Variants in PHF8 observed in about 807,000 individuals in gnomAD.
The protein encoded by PHF8 is histone lysine demethylase PHF8.
PHF8 carries 9 observed loss-of-function variants against 74.4 expected under a neutral mutation model. The observed-to-expected ratio is 0.12, with a 90% CI of 0.07 to 0.21. The LOEUF (loss-of-function observed/expected upper bound fraction) is 0.21, where lower values mean the gene tolerates loss of function less well. Ranked by LOEUF, PHF8 falls within the 10% of genes least tolerant of loss-of-function variation. PHF8 has a pLI of 1.00. For synonymous variants in PHF8, 311 were observed against 316.6 expected, an observed-to-expected ratio of 0.98 and a Z score of 0.19; for missense variants, 478 against 816.6, an observed-to-expected ratio of 0.59 and a Z score of 5.05.
intron 19 of PHF8, among the ~76,000 whole-genome samples, chrX:53,954,499 C>CAAAA (rs1180184175): frequency 0.012 from 153 of 13,132 alleles, 1 homozygote; most frequent in African/African-American, 0.017. Flanking sequence ...GACTCTGTCT[C>CAAAA]AAAAAAAAAA....
In PHF8 at chrX:53,967,490, T is replaced by TG. The variant is rs782807326; in HGVS notation, c.2444-4552dup. ...CCAGCCACCTCATCCGGGAGGGAGG[T>TG]GGGGGGGTCAGCCCTCCGCCCAGCC... On this transcript the variant is annotated intron_variant, in intron 18 of 21. Transcript: ENST00000338154. 9.2e-3 allele frequency among the ~76,000 whole-genome samples: 684 copies of TG among 74,320 alleles called. 7 individuals carry two copies. The highest frequency in any genetic ancestry group is 0.036 in the African/African-American group (650 of 18,200). The allele number at this position is 74,320 out of a possible 115,157, so 64.5% of individuals were successfully genotyped here.
intron 8 of PHF8, among the ~76,000 whole-genome samples, chrX:54,006,687 G>A (rs1381720990): frequency 9.0e-6 from 1 of 111,533 alleles, no homozygotes; most frequent in African/African-American, 3.3e-5. Flanking sequence ...TGTAATCCCA[G>A]CACTTTGGGA....
At chrX:54,027,984 C>CCACACA (rs782177087) in intron 2 of PHF8, among the ~76,000 whole-genome samples, 2,804 of 96,461 alleles carry the variant, frequency 0.029, 104 homozygotes, top group African/African-American at 0.097. Flanking sequence ...ACTATACACA[C>CCACACA]CACACACACA....
At chrX:53,947,388 C>T (rs781787975) in intron 19 of PHF8, among the ~76,000 whole-genome samples, 9 of 112,665 alleles carry the variant, frequency 8.0e-5, no homozygotes, top group African/African-American at 2.9e-4. Flanking sequence ...CCTTGGTTAG[C>T]TATTGCTATT....
chrX:53,972,341 A>C (rs1192749752), intron 18 of PHF8, among the ~76,000 whole-genome samples: 2 of 107,274 alleles, frequency 1.9e-5, no homozygotes, highest in Non-Finnish European at 3.8e-5. Flanking sequence ...AAAAAAAAAA[A>C]AAAGAAAAAG....
intron 18 of PHF8, among the ~76,000 whole-genome samples, chrX:53,980,055 A>G (rs1174041977): frequency 9.0e-6 from 1 of 111,517 alleles, no homozygotes; most frequent in East Asian, 2.8e-4. Flanking sequence ...AGACCTATAT[A>G]TTGAGTGGAG....
chrX:53,964,866 C>A, intron 18 of PHF8, among the ~76,000 whole-genome samples: 1 of 80,957 alleles, frequency 1.2e-5, no homozygotes, highest in African/African-American at 5.0e-5. Flanking sequence ...AAAACTCTGC[C>A]TCAAAAAAAA....
At chrX:54,045,900 G>T (rs907136367), upstream of PHF8, among the ~76,000 whole-genome samples, 26 of 109,999 alleles carry the variant, frequency 2.4e-4, no homozygotes, top group African/African-American at 8.2e-4. Context: ...TTTGAGCAGG[G>T]GTAGCTTAGT....
chrX:54,007,706 C>T (rs2065917338), intron 8 of PHF8, among the ~76,000 whole-genome samples: 1 of 112,386 alleles, frequency 8.9e-6, no homozygotes, highest in African/African-American at 3.2e-5. Flanking sequence ...TGAGATACCA[C>T]TTTACGCCCA....
At chrX:53,992,288 G>A (rs2065678476) in intron 14 of PHF8, among the ~76,000 whole-genome samples, 1 of 111,883 alleles carries the variant, frequency 8.9e-6, no homozygotes, top group South Asian at 3.7e-4. Flanking sequence ...ATGAACATTT[G>A]GATGTTTCCA....
chrX:54,023,834 C>T (rs1391039031), intron 2 of PHF8, among the ~76,000 whole-genome samples: 2 of 90,766 alleles, frequency 2.2e-5, no homozygotes, highest in East Asian at 7.0e-4. Context: ...GAACAAGACC[C>T]TGTCTCCAAA....
chrX:53,978,632 A>T (rs2065426558), intron 18 of PHF8, among the ~76,000 whole-genome samples: 1 of 108,649 alleles, frequency 9.2e-6, no homozygotes, highest in South Asian at 4.1e-4. Flanking sequence ...CCCCGTCTCT[A>T]CTAAAAATAC....
intron 2 of PHF8, among the ~76,000 whole-genome samples, chrX:54,033,626 T>A (rs782467739): frequency 3.6e-5 from 4 of 111,732 alleles, no homozygotes; most frequent in Non-Finnish European, 7.5e-5. Flanking sequence ...GGCAGGAGAA[T>A]CACTTGAACC....
intron 19 of PHF8, among the ~76,000 whole-genome samples, chrX:53,951,588 C>CTA (rs1227384130): frequency 9.1e-6 from 1 of 110,433 alleles, no homozygotes; most frequent in Non-Finnish European, 1.9e-5. Flanking sequence ...GTAGCTGGGA[C>CTA]TACAGGTGCC....
chrX:53,969,882 C>T (rs2065267035), intron 18 of PHF8, among the ~76,000 whole-genome samples: 1 of 111,929 alleles, frequency 8.9e-6, no homozygotes, highest in Non-Finnish European at 1.9e-5. Context: ...AAAGAACAGT[C>T]TCTTTAATAA....
chrX:54,040,957 C>T (rs182991409), intron 2 of PHF8, among the ~76,000 whole-genome samples: 3 of 111,966 alleles, frequency 2.7e-5, no homozygotes, highest in Non-Finnish European at 3.8e-5. Flanking sequence ...AACTCTGTGC[C>T]GGGCACACAA....
At chrX:54,031,888 C>G (rs1181443913) in intron 2 of PHF8, among the ~76,000 whole-genome samples, 1 of 111,740 alleles carries the variant, frequency 8.9e-6, no homozygotes, top group Non-Finnish European at 1.9e-5. Context: ...AGGCCCCATC[C>G]CCAGACATCT....
intron 18 of PHF8, among the ~76,000 whole-genome samples, chrX:53,981,088 C>A (rs782481939): frequency 8.9e-6 from 1 of 112,242 alleles, no homozygotes; most frequent in East Asian, 2.8e-4. Context: ...GTGGCGTGTG[C>A]CTGTAATCCC....
intron 2 of PHF8, among the ~76,000 whole-genome samples, chrX:54,041,046 A>G (rs2146522196): frequency 8.9e-6 from 1 of 111,887 alleles, no homozygotes; most frequent in East Asian, 2.8e-4. Context: ...GCAGGATTTT[A>G]GCAGCACCAG....
Sources: gnomAD v4.1 joint callset for allele counts (sites outside exome capture counted in the v4.1 genomes callset) on GRCh38, gnomAD v4.1.1 for gene constraint, MANE v1.5 for transcripts, NCBI Gene and HGNC (gene_info 2026-07-23, HGNC 2026-07-21) for gene names.